Variants in HLCS observed in about 807,000 individuals in gnomAD.
The protein encoded by HLCS is holocarboxylase synthetase, also known as biotin--protein ligase.
A neutral mutation model predicts 75.0 loss-of-function variants in HLCS; 53 were observed. The ratio of observed to expected loss-of-function variants is 0.71; its 90% CI spans 0.57 to 0.89. The LOEUF (loss-of-function observed/expected upper bound fraction) is 0.89, where lower values mean the gene tolerates loss of function less well. HLCS is among the 40% of genes least tolerant of loss of function. HLCS has a pLI of 0.00. For synonymous variants in HLCS, 431 were observed against 428.6 expected (o/e 1.01, Z -0.07); for missense variants, 966 against 1,074.0 (o/e 0.90, Z 1.41).
At chr21:36,785,248 C>A (rs1237276530) in intron 6 of HLCS, among the ~76,000 whole-genome samples, 1 of 152,148 alleles carries the variant, frequency 6.6e-6, no homozygotes, top group Admixed American at 6.5e-5. Flanking sequence ...GCTCGTTTGC[C>A]GGGATGCTTA....
At chr21:36,837,892 C>T (rs1206207684) in intron 6 of HLCS, among the ~76,000 whole-genome samples, 6 of 152,134 alleles carry the variant, frequency 3.9e-5, no homozygotes, top group Admixed American at 6.5e-5. Flanking sequence ...CAACAAAATA[C>T]ACATTGAAAA....
intron 2 of HLCS, 67 bp downstream of exon 2, chr21:36,961,969 A>G: frequency 1.8e-6 from 2 of 1,128,742 alleles, no homozygotes; most frequent in Non-Finnish European, 2.3e-6. Context: ...AAAAAAAAAA[A>G]AAGCAAATTT....
chr21:36,801,314 C>T (rs978303078), intron 6 of HLCS, among the ~76,000 whole-genome samples: 1 of 152,174 alleles, frequency 6.6e-6, no homozygotes, highest in Non-Finnish European at 1.5e-5. Context: ...TGCCTCTATC[C>T]TGTGATATTT....
intron 2 of HLCS, among the ~76,000 whole-genome samples, chr21:36,956,494 C>A (rs138243068): frequency 7.5e-4 from 114 of 151,992 alleles, no homozygotes; most frequent in Non-Finnish European, 1.2e-3. Context: ...TTTGGGAGGC[C>A]GAGGTGGGCA....
In HLCS at chr21:36,750,133, C is replaced by T. The variant is rs547045748; in HGVS notation, c.*4113G>A. Among the ~76,000 whole-genome samples the T allele has an allele frequency of 1.3e-5, 2 of 152,320 alleles. No homozygotes were observed. The highest frequency in any genetic ancestry group is 2.1e-4 in the South Asian group (1 of 4,828). ...TGACCTCCATCTTGAAGAGTCTGCACATTTAAGCTGGGGATAGCGTTTCTT... is the reference window on the plus strand; with the variant it reads ...TGACCTCCATCTTGAAGAGTCTGCATATTTAAGCTGGGGATAGCGTTTCTT... On this transcript the variant is annotated 3_prime_UTR_variant, in exon 11 of 11. Coordinates refer to ENST00000674895, the MANE Select transcript of HLCS (RefSeq NM_001352514.2).
chr21:36,902,030 G>A (rs1436378703), intron 5 of HLCS, among the ~76,000 whole-genome samples: 1 of 152,188 alleles, frequency 6.6e-6, no homozygotes, highest in Non-Finnish European at 1.5e-5. Context: ...GTTGGAAGAC[G>A]ATGACAGTGC....
At chr21:36,811,999 T>C (rs899468497) in intron 6 of HLCS, among the ~76,000 whole-genome samples, 1 of 152,158 alleles carries the variant, frequency 6.6e-6, no homozygotes, top group African/African-American at 2.4e-5. Flanking sequence ...TTTGGCATCC[T>C]GTGAGTCTTT....
intron 6 of HLCS, among the ~76,000 whole-genome samples, chr21:36,808,833 G>T (rs949428309): frequency 6.6e-6 from 1 of 152,136 alleles, no homozygotes; most frequent in African/African-American, 2.4e-5. Flanking sequence ...TACAGTGCAG[G>T]TCTGCTGGTG....
chr21:36,760,896 T>C (rs993659418), intron 8 of HLCS, among the ~76,000 whole-genome samples: 1 of 152,134 alleles, frequency 6.6e-6, no homozygotes, highest in African/African-American at 2.4e-5. Flanking sequence ...GCCGAGTGGG[T>C]GTCAGAACCA....
chr21:36,894,487 C>T (rs1046661959), intron 6 of HLCS, among the ~76,000 whole-genome samples: 3 of 152,130 alleles, frequency 2.0e-5, no homozygotes, highest in Non-Finnish European at 4.4e-5. Flanking sequence ...ACTGCCTCCC[C>T]GCGCCAGGAA....
At chr21:36,806,934 C>A (rs2061378077) in intron 6 of HLCS, among the ~76,000 whole-genome samples, 1 of 152,196 alleles carries the variant, frequency 6.6e-6, no homozygotes, top group Admixed American at 6.5e-5. Flanking sequence ...GCTCCGCCTC[C>A]ACTTTGTCCC....
chr21:36,964,722 G>T (rs975343455), intron 1 of HLCS, among the ~76,000 whole-genome samples: 2 of 152,184 alleles, frequency 1.3e-5, no homozygotes, highest in African/African-American at 4.8e-5. Context: ...CACTAGTTAT[G>T]GTTAGTGTAG....
chr21:36,872,273 A>T (rs182899331), intron 6 of HLCS, among the ~76,000 whole-genome samples: 2,329 of 151,918 alleles, frequency 0.015, 59 homozygotes, highest in African/African-American at 0.052. Flanking sequence ...ATACAAAAAA[A>T]TTAGCCAGGC....
chr21:36,840,712 A>T (rs987253312), intron 6 of HLCS, among the ~76,000 whole-genome samples: 1 of 152,130 alleles, frequency 6.6e-6, no homozygotes, highest in African/African-American at 2.4e-5. Context: ...TCCCAGGTTC[A>T]AGAGATTCTG....
chr21:36,833,593 T>TTATATATATA (rs56412653), intron 6 of HLCS, among the ~76,000 whole-genome samples: 84 of 140,002 alleles, frequency 6.0e-4, no homozygotes, highest in South Asian at 1.6e-3. Context: ...TAAAAAAAAA[T>TTATATATATA]TATATATATA....
At chr21:36,780,767 C>T (rs2060502884) in intron 6 of HLCS, among the ~76,000 whole-genome samples, 1 of 152,164 alleles carries the variant, frequency 6.6e-6, no homozygotes, top group Non-Finnish European at 1.5e-5. Flanking sequence ...CTACTGCACA[C>T]AGCCGCGCAG....
At chr21:36,960,169 A>AC (rs2068216988) in intron 2 of HLCS, among the ~76,000 whole-genome samples, 1 of 84,612 alleles carries the variant, frequency 1.2e-5, no homozygotes, top group African/African-American at 4.7e-5. Context: ...TCACCCACAC[A>AC]CCCCTTGCCG....
At chr21:36,960,854 T>G (rs1392711146) in intron 2 of HLCS, among the ~76,000 whole-genome samples, 1 of 152,208 alleles carries the variant, frequency 6.6e-6, no homozygotes, top group Non-Finnish European at 1.5e-5. Flanking sequence ...AGGGATGACA[T>G]CCACCAAAAG....
intron 6 of HLCS, among the ~76,000 whole-genome samples, chr21:36,851,534 G>A (rs2063007837): frequency 6.6e-6 from 1 of 152,152 alleles, no homozygotes; most frequent in African/African-American, 2.4e-5. Context: ...GGTAGTGGGG[G>A]GCAGGGAGGT....
Sources: allele counts gnomAD v4.1 joint callset (sites outside exome capture counted in the v4.1 genomes callset), GRCh38; gene constraint gnomAD v4.1.1; transcripts MANE v1.5; gene names NCBI Gene and HGNC (gene_info 2026-07-23, HGNC 2026-07-21).